VAV3: variants seen among roughly 807,000 people sequenced by gnomAD.
VAV3 encodes the protein guanine nucleotide exchange factor VAV3.
A neutral mutation model predicts 131.2 loss-of-function variants in VAV3; 94 were observed. The observed-to-expected ratio is 0.72, with a 90% CI of 0.61 to 0.85. VAV3 has a LOEUF of 0.85. Among genes scored for constraint, VAV3 ranks in the 40% least tolerant of loss-of-function variants. The pLI is 0.00. For missense variants in VAV3, 939 were observed against 1,002.7 expected (o/e 0.94, Z 0.86); for synonymous variants, 349 against 342.0 (o/e 1.02, Z -0.22).
At chr1:107,676,333 T>G (rs1444203225) in intron 19 of VAV3, among the ~76,000 whole-genome samples, 1 of 152,214 alleles carries the variant, frequency 6.6e-6, no homozygotes, top group African/African-American at 2.4e-5. Context: ...TCCTTGGGAT[T>G]CTGCTGGATT....
At chr1:107,895,527 C>A (rs568490786) in intron 1 of VAV3, among the ~76,000 whole-genome samples, 2 of 152,182 alleles carry the variant, frequency 1.3e-5, no homozygotes, top group African/African-American at 4.8e-5. Flanking sequence ...AAATAGTTGC[C>A]CAATGTCATA....
At chr1:107,926,091 C>G (rs2101179161) in intron 1 of VAV3, among the ~76,000 whole-genome samples, 1 of 151,916 alleles carries the variant, frequency 6.6e-6, no homozygotes, top group East Asian at 1.9e-4. Context: ...ACCAGCCTGG[C>G]CAACATGGTG....
chr1:107,844,316 G>C (rs78730096), intron 2 of VAV3, among the ~76,000 whole-genome samples: 2 of 152,058 alleles, frequency 1.3e-5, no homozygotes, highest in African/African-American at 4.8e-5. Context: ...CACTATCTTC[G>C]CAACCCAAAG....
chr1:107,607,676 T>A (rs1016538475), intron 22 of VAV3, among the ~76,000 whole-genome samples: 1 of 152,216 alleles, frequency 6.6e-6, no homozygotes, highest in African/African-American at 2.4e-5. Context: ...ATACAGATTT[T>A]AGGATAGTTC....
intron 2 of VAV3, among the ~76,000 whole-genome samples, chr1:107,810,986 T>C (rs1171622866): frequency 6.6e-6 from 1 of 152,110 alleles, no homozygotes; most frequent in Non-Finnish European, 1.5e-5. Context: ...GACTAGAAGA[T>C]ACTCTCAAAA....
In VAV3 at chr1:107,704,527, T is replaced by C. The variant is rs753988967; in HGVS notation, c.1705+23A>G. On this transcript the variant is annotated intron_variant, in intron 17 of 26. Transcript: ENST00000370056. ...TTTTATGTCCTCATTAAAAACAGAATTGCAACAATAAACATGACTTACCAC... is the reference window on the plus strand; with the variant it reads ...TTTTATGTCCTCATTAAAAACAGAACTGCAACAATAAACATGACTTACCAC... The C allele has an allele frequency of 5.0e-6, 8 of 1,588,376 alleles. No homozygotes were observed. In the East Asian group the frequency reaches 1.6e-4, roughly 31 times the overall value.
intron 1 of VAV3, among the ~76,000 whole-genome samples, chr1:107,926,206 C>T (rs1426129341): frequency 9.2e-5 from 14 of 152,038 alleles, no homozygotes; most frequent in African/African-American, 2.9e-4. Flanking sequence ...GACTTGAACC[C>T]GGGAGTGGAG....
intron 1 of VAV3, among the ~76,000 whole-genome samples, chr1:107,898,204 T>G (rs1387155708): frequency 6.6e-6 from 1 of 152,116 alleles, no homozygotes; most frequent in Non-Finnish European, 1.5e-5. Flanking sequence ...ATATATATAA[T>G]GCATGTATAC....
At chr1:107,667,451 A>G (rs145097153) in intron 19 of VAV3, among the ~76,000 whole-genome samples, 46 of 152,348 alleles carry the variant, frequency 3.0e-4, no homozygotes, top group Admixed American at 2.2e-3. Flanking sequence ...GTAGCAATGC[A>G]GGAAATATAA....
At chr1:107,748,637 A>G (rs757030960) in intron 15 of VAV3, among the ~76,000 whole-genome samples, 23 of 152,214 alleles carry the variant, frequency 1.5e-4, no homozygotes, top group Admixed American at 8.5e-4. Flanking sequence ...AAATATAGTT[A>G]TTACATAAAA....
intron 1 of VAV3, among the ~76,000 whole-genome samples, chr1:107,876,031 C>A (rs1241292516): frequency 3.3e-5 from 5 of 151,902 alleles, no homozygotes; most frequent in Non-Finnish European, 7.4e-5. Context: ...AGTACCTGAG[C>A]CAGGAAACTT....
intron 17 of VAV3, among the ~76,000 whole-genome samples, chr1:107,703,954 GC>G (rs1660289397): frequency 6.6e-6 from 1 of 152,176 alleles, no homozygotes; most frequent in Non-Finnish European, 1.5e-5. Context: ...ATAACTGCCA[GC>G]CATCTTAGAA....
At chr1:107,659,992 G>A (rs1303250194) in intron 19 of VAV3, among the ~76,000 whole-genome samples, 1 of 152,110 alleles carries the variant, frequency 6.6e-6, no homozygotes, top group Non-Finnish European at 1.5e-5. Context: ...CAAGACACAG[G>A]AAAGCTTCAG....
chr1:107,709,550 A>G (rs1426394179), intron 15 of VAV3, among the ~76,000 whole-genome samples: 1 of 152,192 alleles, frequency 6.6e-6, no homozygotes, highest in Admixed American at 6.5e-5. Context: ...ATTGTGAGAA[A>G]ATATTTAAAC....
chr1:107,716,610 T>C (rs1442398378), intron 15 of VAV3, among the ~76,000 whole-genome samples: 2 of 152,234 alleles, frequency 1.3e-5, no homozygotes, highest in Non-Finnish European at 2.9e-5. Context: ...GATAAGCTTT[T>C]TGATGTGCTG....
intron 15 of VAV3, among the ~76,000 whole-genome samples, chr1:107,732,528 C>A (rs552512276): frequency 6.6e-6 from 1 of 152,228 alleles, no homozygotes; most frequent in Non-Finnish European, 1.5e-5. Context: ...GCTTTTCCAA[C>A]GGTCTTAGCA....
intron 12 of VAV3, among the ~76,000 whole-genome samples, chr1:107,751,512 A>G (rs12751945): frequency 0.04 from 6,089 of 152,280 alleles, 178 homozygotes; most frequent in Middle Eastern, 0.065. Context: ...TCGGCAATTA[A>G]TATTTTTTGA....
At position 107,588,336 on chromosome 1, in the gene VAV3, G is replaced by A. The variant is rs944671293; in HGVS notation, c.2350+7876C>T. 5.9e-5 allele frequency among the ~76,000 whole-genome samples: 9 copies of A among 152,300 alleles called. No individual in the cohort carries two copies. The South Asian group carries it at 1.9e-3, about 32-fold the overall frequency. On this transcript the variant is annotated intron_variant, in intron 25 of 26. Transcript: ENST00000370056. ...TAGTCCATAGAATAGTGTGTATACC[G>A]GAATAGTGTGTATCCAGGAAATAGA... is the stretch of plus-strand genomic sequence containing the variant.
intron 17 of VAV3, among the ~76,000 whole-genome samples, chr1:107,689,063 G>A (rs1441480761): frequency 1.3e-5 from 2 of 152,100 alleles, no homozygotes; most frequent in African/African-American, 4.8e-5. Flanking sequence ...ATGGTTATAA[G>A]GGCCCTGAGA....
Sources: allele counts gnomAD v4.1 joint callset (sites outside exome capture counted in the v4.1 genomes callset), GRCh38; gene constraint gnomAD v4.1.1; transcripts MANE v1.5; gene names NCBI Gene and HGNC (gene_info 2026-07-23, HGNC 2026-07-21).